The following TPCN1 variants were observed in gnomAD, a reference collection of about 807,000 sequenced individuals.
TPCN1 encodes the protein two pore channel protein 1.
Under a neutral mutation model 108.8 loss-of-function variants are expected in TPCN1, and 52 were observed. The observed-to-expected ratio is 0.48, with a 90% confidence interval of 0.38 to 0.60. The LOEUF is 0.60. TPCN1 is among the 20% of genes least tolerant of loss of function. TPCN1 has a pLI of 0.00. For missense variants in TPCN1, 806 were observed against 1,072.8 expected, an observed-to-expected ratio of 0.75 and a Z score of 3.47; for synonymous variants, 446 against 433.7, an observed-to-expected ratio of 1.03 and a Z score of -0.35.
chr12:113,261,497 C>T (rs1456871201), intron 3 of TPCN1, among the ~76,000 whole-genome samples: 2 of 137,616 alleles, frequency 1.5e-5, no homozygotes, highest in African/African-American at 2.8e-5. Flanking sequence ...GGCTTGATCT[C>T]GGCTCAGTGC....
At position 113,224,372 on chromosome 12, in the gene TPCN1, G is replaced by A. The variant is rs1358132951; in HGVS notation, c.-125-2356G>A. Among the ~76,000 whole-genome samples the A allele has an allele frequency of 2.0e-5, 3 of 152,156 alleles. No homozygotes were observed. In the East Asian group the frequency reaches 5.8e-4, roughly 29 times the overall value. The stretch of plus-strand genomic sequence containing the variant: ...GTGCTAGTAGGGTCCCTCATACATA[G>A]TACGCACTCATTGAGTATTAACTAT... On this transcript the variant is annotated intron_variant, in intron 1 of 27. Transcript: ENST00000335509.
At chr12:113,294,228 G>A (rs1354335125) in intron 27 of TPCN1, 3 of 152,188 alleles carry the variant, frequency 2.0e-5, no homozygotes, top group South Asian at 2.1e-4. Context: ...TGGAACTACA[G>A]GTGTGCACTG....
At chr12:113,236,215 C>T (rs957280396) in intron 2 of TPCN1, among the ~76,000 whole-genome samples, 2 of 152,172 alleles carry the variant, frequency 1.3e-5, no homozygotes, top group South Asian at 2.1e-4. Flanking sequence ...CCCAGGGACA[C>T]GGGGTGCCTA....
At chr12:113,244,644 T>A in intron 2 of TPCN1, 3 of 985,404 alleles carry the variant, frequency 3.0e-6, no homozygotes, top group Non-Finnish European at 3.6e-6. Flanking sequence ...TTGAGCTCTT[T>A]CCCATGGTGT....
At chr12:113,248,575 C>T (rs1382480248) in intron 2 of TPCN1, among the ~76,000 whole-genome samples, 1 of 152,128 alleles carries the variant, frequency 6.6e-6, no homozygotes, top group Non-Finnish European at 1.5e-5. Context: ...GACAAAGCAG[C>T]CAAAGATCGG....
At chr12:113,279,337 G>GTA (rs1453740057) in intron 14 of TPCN1, among the ~76,000 whole-genome samples, 4 of 100,454 alleles carry the variant, frequency 4.0e-5, no homozygotes, top group African/African-American at 1.7e-4. Flanking sequence ...GTGTGTGTGT[G>GTA]TATATATATG....
At chr12:113,246,287 T>C (rs898659791) in intron 2 of TPCN1, among the ~76,000 whole-genome samples, 1 of 152,196 alleles carries the variant, frequency 6.6e-6, no homozygotes, top group African/African-American at 2.4e-5. Context: ...GTGGCCAAAG[T>C]CTGCAGGCCT....
At chr12:113,257,503 A>T (rs1954869800) in intron 2 of TPCN1, among the ~76,000 whole-genome samples, 1 of 151,894 alleles carries the variant, frequency 6.6e-6, no homozygotes, top group Admixed American at 6.6e-5. Flanking sequence ...AAAAAAAAAA[A>T]TGCTTAAAAA....
chr12:113,276,979 C>T lies in TPCN1; in HGVS notation c.1003C>T (p.Leu335=). The stretch of plus-strand genomic sequence containing the variant: ...TGAGAAACGCAAGTTCAAGTCTTTG[C>T]TACTGCACAAGCGAACCGCTATCCA... ...DIEKRKFKSL[L]LHKRTAIQHA... The change falls in exon 11 of 28, where the codon CTA becomes TTA. Residue 335 remains leucine (L), a synonymous_variant. Coordinates refer to ENST00000335509, the MANE Select transcript of TPCN1 (RefSeq NM_017901.6). The T allele has an allele frequency of 6.2e-7, 1 of 1,614,080 alleles. No homozygotes were observed. Among genetic ancestry groups the T allele is most frequent in the Non-Finnish European group, 8.5e-7 (1 of 1,180,010 alleles).
intron 1 of TPCN1, among the ~76,000 whole-genome samples, chr12:113,223,583 G>A (rs191657931): frequency 7.9e-5 from 12 of 152,082 alleles, no homozygotes; most frequent in Non-Finnish European, 1.5e-5. Context: ...TCGCTCTGTC[G>A]CCCAGGCTGG....
chr12:113,259,395 G>A (rs1317323816), intron 2 of TPCN1, among the ~76,000 whole-genome samples: 1 of 152,208 alleles, frequency 6.6e-6, no homozygotes, highest in Non-Finnish European at 1.5e-5. Flanking sequence ...GTTGTTTACT[G>A]TGTGTAAACT....
Position 113,296,147 on chromosome 12 carries a change from G to A in TPCN1, c.*71G>A. On this transcript the variant is annotated 3_prime_UTR_variant, in exon 28 of 28. Transcript: ENST00000335509. ...TTACTCTACTGCGATGTACGGAACT[G>A]CGGTGTGTGTACACATACTCACGTA... 6.3e-7 allele frequency: 1 copy of A among 1,575,146 alleles called. No individual in the cohort carries two copies. Among genetic ancestry groups the A allele is most frequent in the African/African-American group, 1.3e-5 (1 of 74,440 alleles).
At chr12:113,262,347 C>T (rs866593982) in intron 3 of TPCN1, among the ~76,000 whole-genome samples, 2 of 150,484 alleles carry the variant, frequency 1.3e-5, no homozygotes, top group Non-Finnish European at 2.9e-5. Flanking sequence ...GAAGTTGAGG[C>T]TCCAGTGAGC....
chr12:113,290,762 A>G (rs148496806), intron 22 of TPCN1, among the ~76,000 whole-genome samples, 190 bp from the exon 23 acceptor site: 18 of 152,328 alleles, frequency 1.2e-4, no homozygotes, highest in African/African-American at 4.3e-4. Flanking sequence ...GGGGCAGGCC[A>G]TGATGTCCTG....
At chr12:113,275,578 T>C (rs77265696) in intron 10 of TPCN1, among the ~76,000 whole-genome samples, 1 of 136,508 alleles carries the variant, frequency 7.3e-6, no homozygotes, top group African/African-American at 2.6e-5. Context: ...AAATATTTCC[T>C]TTTTTTTTTT....
In TPCN1 at chr12:113,273,557, C is replaced by T; in HGVS notation, c.843-12C>T. On this transcript the variant is annotated splice_polypyrimidine_tract_variant and intron_variant, in intron 9 of 27. Coordinates refer to ENST00000335509, the MANE Select transcript of TPCN1 (RefSeq NM_017901.6). This position sits in a 1 kb window ranked among gnomAD's most constrained non-coding sequence, Gnocchi z 4.0. Reference sequence around the variant, plus strand: ...CAGATACAGCACGCCGGGTCACCCTCTGCAAATACAGTTTCCCAGATGTGA... The same window carrying T: ...CAGATACAGCACGCCGGGTCACCCTTTGCAAATACAGTTTCCCAGATGTGA... 1.9e-6 allele frequency: 3 copies of T among 1,610,042 alleles called. No homozygotes were observed. The highest frequency in any genetic ancestry group is 2.6e-6 in the Non-Finnish European group (3 of 1,176,208).
chr12:113,233,925 C>G (rs918175321), intron 2 of TPCN1, among the ~76,000 whole-genome samples: 12 of 152,162 alleles, frequency 7.9e-5, no homozygotes, highest in Admixed American at 3.9e-4. Flanking sequence ...AGTATGCCCC[C>G]CTCCGTGAGG....
chr12:113,281,912 CTTTTTTTTTT>C (rs1161003553), intron 15 of TPCN1, among the ~76,000 whole-genome samples: 2 of 119,686 alleles, frequency 1.7e-5, no homozygotes, highest in African/African-American at 6.5e-5. Context: ...ATTTGGATTT[CTTTTTTTTTT>C]TTTTTTTTTT....
At chr12:113,255,109 TATTCTC>T (rs1954785793) in intron 2 of TPCN1, among the ~76,000 whole-genome samples, 1 of 152,352 alleles carries the variant, frequency 6.6e-6, no homozygotes, top group African/African-American at 2.4e-5. Context: ...AAACTGTCCT[TATTCTC>T]AGACAACATG....
Sources: gnomAD v4.1 joint callset for allele counts (sites outside exome capture counted in the v4.1 genomes callset) on GRCh38, gnomAD v4.1.1 for gene constraint, Gnocchi (gnomAD v3.1) non-coding constraint, MANE v1.5 for transcripts, NCBI Gene and HGNC (gene_info 2026-07-23, HGNC 2026-07-21) for gene names.